Variants in SINHCAF observed in about 807,000 individuals in gnomAD.
The protein encoded by SINHCAF is SIN3-HDAC complex-associated factor.
Under a neutral mutation model 25.8 loss-of-function variants are expected in SINHCAF, and 3 were observed. The observed-to-expected ratio is 0.12, with a 90% CI of 0.05 to 0.30. The LOEUF is 0.30. Among genes scored for constraint, SINHCAF ranks in the 10% least tolerant of loss-of-function variants. The pLI, the probability that SINHCAF is intolerant of heterozygous loss-of-function variation, is 1.00. For synonymous variants in SINHCAF, 70 were observed against 85.5 expected (o/e 0.82, Z 1.00); for missense variants, 121 against 262.3 (o/e 0.46, Z 3.72).
intron 2 of SINHCAF, 124 bp from the exon 3 acceptor site, chr12:31,295,457 G>T (rs934638238): frequency 1.5e-6 from 1 of 653,270 alleles, no homozygotes; most frequent in South Asian, 1.9e-5. Context: ...AATCATCCTG[G>T]ATGATCCCAT....
At position 31,293,773 on chromosome 12, in the gene SINHCAF, A is replaced by AT. The variant is rs1336230138; in HGVS notation, c.355+31dup. On this transcript the variant is annotated intron_variant, in intron 4 of 5. Transcript: ENST00000337682. Reference sequence around the variant, plus strand: ...CCCAGCCAAAAATAACAAAACAATTATTAAGTACTAATGTTGTAATATCAA... The same window carrying AT: ...CCCAGCCAAAAATAACAAAACAATTATTTAAGTACTAATGTTGTAATATCAA... 5.1e-6 allele frequency: 8 copies of AT among 1,558,730 alleles called. No homozygotes were observed. The Admixed American group carries it at 6.1e-5, about 12-fold the overall frequency.
rs1170574336 is a variant in SINHCAF at position 31,281,221 on chromosome 12, A to G, written c.*1491T>C. ...GAACATTTAGAAAAGAGGCAGTAAG[A>G]GTACTCTGGTTTGGGTTCAAGTGAG... On this transcript the variant is annotated 3_prime_UTR_variant, in exon 6 of 6. Coordinates refer to ENST00000337682, the MANE Select transcript of SINHCAF (RefSeq NM_001135812.2). 3 of 152,210 alleles carry G rather than the reference A, an allele frequency of 2.0e-5. No individual in the cohort carries two copies. The highest frequency in any genetic ancestry group is 4.4e-5 in the Non-Finnish European group (3 of 68,026). The allele number at this position is 152,210 out of a possible 1,614,324, so 9.4% of individuals were successfully genotyped here.
intron 1 of SINHCAF, chr12:31,304,195 A>G (rs566466801): frequency 6.6e-6 from 1 of 151,744 alleles, no homozygotes; most frequent in African/African-American, 2.4e-5. Context: ...CCCATCCTTG[A>G]GTTGGTGGGT....
Position 31,324,112 on chromosome 12 carries a change from G to T in SINHCAF, c.-21+1912C>A. On this transcript the variant is annotated intron_variant, in intron 1 of 5. Coordinates refer to ENST00000337682, the MANE Select transcript of SINHCAF (RefSeq NM_001135812.2). This position sits in a 1 kb window ranked among gnomAD's most constrained non-coding sequence, Gnocchi z 5.5. ...GCCGGGGCGAGGGCGAGGGCAGCGG[G>T]AGGTGAACCGCGTCGCTCGCCGCCA... 1 of 452,900 alleles carries T rather than the reference G, an allele frequency of 2.2e-6. No individual in the cohort carries two copies. Among genetic ancestry groups the T allele is most frequent in the South Asian group, 1.6e-5 (1 of 64,342 alleles). The allele number at this position is 452,900 out of a possible 1,614,324, so 28.1% of individuals were successfully genotyped here. A position where few individuals can be genotyped will look rare whatever the true frequency, so the allele number is the denominator to read the frequency against.
rs1033304831 is a variant in SINHCAF at position 31,303,069 on chromosome 12, C to T, written c.-20-4845G>A. ...CTGAAATAGAAAAAAAAAATCATTTCAAGATGTTTTTCAAGATTTGAGGGG... is the reference window on the plus strand; with the variant it reads ...CTGAAATAGAAAAAAAAAATCATTTTAAGATGTTTTTCAAGATTTGAGGGG... On this transcript the variant is annotated intron_variant, in intron 1 of 5. Transcript: ENST00000337682. 4 of 985,114 alleles carry T rather than the reference C, an allele frequency of 4.1e-6. No homozygotes were observed. In the East Asian group the frequency reaches 3.4e-4, roughly 84 times the overall value. The allele number at this position is 985,114 out of a possible 1,614,324, so 61.0% of individuals were successfully genotyped here.
intron 1 of SINHCAF, among the ~76,000 whole-genome samples, chr12:31,309,430 T>A (rs1002754552): frequency 5.3e-5 from 8 of 152,302 alleles, no homozygotes; most frequent in African/African-American, 1.7e-4. Flanking sequence ...GGATTCTTAG[T>A]GTTAATCTCA....
At chr12:31,285,749 G>T (rs943187390) in intron 5 of SINHCAF, among the ~76,000 whole-genome samples, 5 of 152,076 alleles carry the variant, frequency 3.3e-5, no homozygotes, top group Non-Finnish European at 1.5e-5. Flanking sequence ...GTCAAGGCAG[G>T]CAGATCACTT....
rs1379402859 is a variant in SINHCAF at position 31,281,834 on chromosome 12, A to G, written c.*878T>C. 1 of 152,232 alleles carries G rather than the reference A, an allele frequency of 6.6e-6. No homozygotes were observed. The highest frequency in any genetic ancestry group is 2.4e-5 in the African/African-American group (1 of 41,464). 9.4% of individuals were successfully genotyped at this position (152,232 alleles called of 1,614,324 possible). A position where few individuals can be genotyped will look rare whatever the true frequency, so the allele number is the denominator to read the frequency against. Reference sequence around the variant, plus strand: ...CAAATATTAATATGAAGGGAGGCACAGGATGCAACATATATAGTCAAGTTA... The same window carrying G: ...CAAATATTAATATGAAGGGAGGCACGGGATGCAACATATATAGTCAAGTTA... On this transcript the variant is annotated 3_prime_UTR_variant, in exon 6 of 6. Coordinates refer to ENST00000337682, the MANE Select transcript of SINHCAF (RefSeq NM_001135812.2).
chr12:31,291,712 T>C (rs1938329965), intron 4 of SINHCAF, among the ~76,000 whole-genome samples: 1 of 151,480 alleles, frequency 6.6e-6, no homozygotes, highest in Non-Finnish European at 1.5e-5. Flanking sequence ...TGCAGTGAGC[T>C]GAGATCCGTG....
At position 31,282,186 on chromosome 12, in the gene SINHCAF, A is replaced by G. The variant is rs940317662; in HGVS notation, c.*526T>C. ...TGTCCCCTGAAATTCCCCTAGTTTCATTCATTAGAAGGGGATTAAAAAAAA... is the reference window on the plus strand; with the variant it reads ...TGTCCCCTGAAATTCCCCTAGTTTCGTTCATTAGAAGGGGATTAAAAAAAA... On this transcript the variant is annotated 3_prime_UTR_variant, in exon 6 of 6. Coordinates refer to ENST00000337682, the MANE Select transcript of SINHCAF (RefSeq NM_001135812.2). 2 of 151,930 alleles carry G rather than the reference A, an allele frequency of 1.3e-5. No individual in the cohort carries two copies. The highest frequency in any genetic ancestry group is 4.8e-5 in the African/African-American group (2 of 41,280). The allele number at this position is 151,930 out of a possible 1,614,324, so 9.4% of individuals were successfully genotyped here. A position where few individuals can be genotyped will look rare whatever the true frequency, so the allele number is the denominator to read the frequency against.
intron 2 of SINHCAF, among the ~76,000 whole-genome samples, chr12:31,295,967 G>A (rs770089045): frequency 1.3e-5 from 2 of 151,790 alleles, no homozygotes; most frequent in Non-Finnish European, 2.9e-5. Flanking sequence ...GATCACTTGA[G>A]TGCAGGAGTT....
At chr12:31,285,418 T>TACACACACACAC (rs71444392) in intron 5 of SINHCAF, among the ~76,000 whole-genome samples, 7,719 of 141,248 alleles carry the variant, frequency 0.055, 238 homozygotes, top group Middle Eastern at 0.092. Context: ...TATATATACA[T>TACACACACACAC]ACACACACAC....
chr12:31,301,852 G>A (rs1938810451), intron 1 of SINHCAF, among the ~76,000 whole-genome samples: 1 of 152,110 alleles, frequency 6.6e-6, no homozygotes, highest in South Asian at 2.1e-4. Flanking sequence ...AGTACTGGGT[G>A]GGCGTGGCAT....
chr12:31,285,398 CAT>C (rs1452952252), intron 5 of SINHCAF, among the ~76,000 whole-genome samples: 1 of 127,152 alleles, frequency 7.9e-6, no homozygotes, highest in African/African-American at 3.1e-5. Flanking sequence ...TCAACATAGA[CAT>C]ATATTTATAT....
At chr12:31,302,623 C>T (rs920274226) in intron 1 of SINHCAF, among the ~76,000 whole-genome samples, 4 of 150,808 alleles carry the variant, frequency 2.7e-5, no homozygotes, top group African/African-American at 9.8e-5. Flanking sequence ...ACACGAGGCA[C>T]GGTATTCATA....
chr12:31,319,444 C>T (rs1939617397), intron 1 of SINHCAF, among the ~76,000 whole-genome samples: 1 of 152,206 alleles, frequency 6.6e-6, no homozygotes, highest in South Asian at 2.1e-4. Flanking sequence ...AGGAGAATTG[C>T]CTGAACCCAG....
At chr12:31,300,893 T>G (rs1052487209) in intron 1 of SINHCAF, among the ~76,000 whole-genome samples, 1 of 152,170 alleles carries the variant, frequency 6.6e-6, no homozygotes, top group South Asian at 2.1e-4. Flanking sequence ...TCAGCCTCCC[T>G]TCTCAGCAAG....
rs200248729 is a variant in SINHCAF at position 31,287,741 on chromosome 12, T to C, written c.399A>G (p.Gln133=). 2.0e-4 allele frequency: 324 copies of C among 1,610,892 alleles called. 3 individuals are homozygous for C. The Middle Eastern group carries it at 0.014, about 68-fold the overall frequency. The part of the protein sequence containing the change: ...HSTTSSASPA[Q]SPCYSNQSDD... ...CTGACTGGTTACTGTAACAAGGAGA[T>C]TGAGCTGGGGAGGCACTTGAGGTGG... The change falls in exon 5 of 6, where the codon CAA becomes CAG. Residue 133 remains glutamine, a synonymous_variant. Transcript: ENST00000337682.
intron 1 of SINHCAF, among the ~76,000 whole-genome samples, chr12:31,298,693 C>T (rs1012553242): frequency 2.0e-5 from 3 of 152,204 alleles, no homozygotes; most frequent in Non-Finnish European, 4.4e-5. Flanking sequence ...AAGCACACAA[C>T]TAGCTCACTA....
Sources: gnomAD v4.1 joint callset for allele counts (sites outside exome capture counted in the v4.1 genomes callset) on GRCh38, gnomAD v4.1.1 for gene constraint, Gnocchi (gnomAD v3.1) non-coding constraint, MANE v1.5 for transcripts, NCBI Gene and HGNC (gene_info 2026-07-23, HGNC 2026-07-21) for gene names.